SKIC2: variants seen among roughly 807,000 people sequenced by gnomAD.
The protein encoded by SKIC2 is superkiller complex protein 2.
the SKIC2 span, chr6:31,965,832 G>A: frequency 2.5e-6 from 4 of 1,612,756 alleles, no homozygotes; most frequent in East Asian, 4.5e-5. The surrounding 1 kb of genome is among the most constrained non-coding windows in gnomAD (Gnocchi z 5.6). Flanking sequence ...ATGCCTGCTC[G>A]TACAGTAGTG....
At chr6:31,961,724 A>G in the SKIC2 span, 4 of 1,589,444 alleles carry the variant, frequency 2.5e-6, no homozygotes, top group Non-Finnish European at 3.4e-6. Flanking sequence ...TCTGGGTCAC[A>G]CTCCCAGCCG....
chr6:31,962,779 A>T, the SKIC2 span: 1 of 1,611,874 alleles, frequency 6.2e-7, no homozygotes, highest in Non-Finnish European at 8.5e-7. The surrounding 1 kb of genome is among the most constrained non-coding windows in gnomAD (Gnocchi z 5.0). Flanking sequence ...GATGAGGTTC[A>T]CTATATCAAC....
At chr6:31,964,900 A>G in the SKIC2 span, among the ~76,000 whole-genome samples, 1 of 152,154 alleles carries the variant, frequency 6.6e-6, no homozygotes, top group Non-Finnish European at 1.5e-5. The surrounding 1 kb of genome is among the most constrained non-coding windows in gnomAD (Gnocchi z 5.0). Flanking sequence ...TGGGTGGATC[A>G]CAAGGTCAAG....
the SKIC2 span, chr6:31,967,085 C>T: frequency 6.2e-7 from 1 of 1,612,924 alleles, no homozygotes; most frequent in Non-Finnish European, 8.5e-7. The surrounding 1 kb of genome is among the most constrained non-coding windows in gnomAD (Gnocchi z 4.9). Flanking sequence ...ACTGGTCGAC[C>T]TGCCTGAATA....
chr6:31,960,305 C>A, the SKIC2 span: 3 of 1,613,318 alleles, frequency 1.9e-6, no homozygotes, highest in Admixed American at 5.0e-5. Context: ...CCAAAGACAC[C>A]CAACCACAGG....
At chr6:31,967,480 A>ATTTTCCCCTCTTGCCCTCC in the SKIC2 span, 1 of 907,904 alleles carries the variant, frequency 1.1e-6, no homozygotes, top group South Asian at 1.4e-5. This position sits in a 1 kb window ranked among gnomAD's most constrained non-coding sequence, Gnocchi z 4.9. Flanking sequence ...TAGGGCCCTC[A>ATTTTCCCCTCTTGCCCTCC]TTTTCCCCTC....
chr6:31,961,038 C>T, the SKIC2 span: 2 of 1,608,526 alleles, frequency 1.2e-6, no homozygotes, highest in Admixed American at 1.7e-5. Flanking sequence ...CCCTATCCTA[C>T]AGATCTTCTT....
At chr6:31,961,022 T>C in the SKIC2 span, 1,135,870 of 1,578,740 alleles carry the variant, frequency 0.72, 415,008 homozygotes, top group African/African-American at 0.91. Context: ...TGACCTGATT[T>C]CATGTCCCTA....
At chr6:31,963,036 A>G in the SKIC2 span, 2 of 1,612,682 alleles carry the variant, frequency 1.2e-6, no homozygotes, top group African/African-American at 1.3e-5. This position sits in a 1 kb window ranked among gnomAD's most constrained non-coding sequence, Gnocchi z 5.3. Context: ...CCACGTTTCT[A>G]TCATCCTTCT....
the SKIC2 span, among the ~76,000 whole-genome samples, chr6:31,964,652 A>C: frequency 6.6e-6 from 1 of 152,234 alleles, no homozygotes; most frequent in South Asian, 2.1e-4. The surrounding 1 kb of genome is among the most constrained non-coding windows in gnomAD (Gnocchi z 5.0). Context: ...TAGTAATCAG[A>C]AATATACAAA....
At chr6:31,962,201 G>T in the SKIC2 span, 1 of 955,466 alleles carries the variant, frequency 1.0e-6, no homozygotes, top group Non-Finnish European at 1.6e-6. The surrounding 1 kb of genome is among the most constrained non-coding windows in gnomAD (Gnocchi z 5.0). Context: ...AGCCCAGAGA[G>T]AAATGAAAAG....
the SKIC2 span, chr6:31,960,411 G>A: frequency 6.2e-6 from 10 of 1,603,380 alleles, no homozygotes; most frequent in Non-Finnish European, 8.5e-6. Context: ...GCCTCATTGG[G>A]GCTCTGATCT....
At chr6:31,963,411 A>G in the SKIC2 span, 2 of 1,552,070 alleles carry the variant, frequency 1.3e-6, no homozygotes, top group East Asian at 2.3e-5. The surrounding 1 kb of genome is among the most constrained non-coding windows in gnomAD (Gnocchi z 5.3). Context: ...TCCTTTCTTC[A>G]GGCGGCTGAA....
At chr6:31,961,803 C>T in the SKIC2 span, 3 of 1,551,736 alleles carry the variant, frequency 1.9e-6, no homozygotes, top group Non-Finnish European at 2.6e-6. Context: ...CAGTCCCAGC[C>T]TCGGCTGGCT....
At chr6:31,960,579 G>T in the SKIC2 span, 3 of 1,578,428 alleles carry the variant, frequency 1.9e-6, no homozygotes, top group Non-Finnish European at 2.6e-6. Context: ...GGTAGAAGAG[G>T]GTGTCTTTAA....
chr6:31,963,444 A>G, the SKIC2 span: 2 of 1,609,244 alleles, frequency 1.2e-6, no homozygotes, highest in Non-Finnish European at 1.7e-6. This position sits in a 1 kb window ranked among gnomAD's most constrained non-coding sequence, Gnocchi z 5.3. Context: ...CTATGTGATT[A>G]GCACTGTAAC....
At chr6:31,968,533 G>C in the SKIC2 span, 1 of 1,611,554 alleles carries the variant, frequency 6.2e-7, no homozygotes, top group South Asian at 1.1e-5. The surrounding 1 kb of genome is among the most constrained non-coding windows in gnomAD (Gnocchi z 6.1). Context: ...CCGTTTTCCT[G>C]CCCAGGTAGG....
chr6:31,963,089 T>C, the SKIC2 span: 1 of 1,607,848 alleles, frequency 6.2e-7, no homozygotes, highest in South Asian at 1.1e-5. The surrounding 1 kb of genome is among the most constrained non-coding windows in gnomAD (Gnocchi z 5.3). Flanking sequence ...CTGACTGGAT[T>C]GGGTGAGACG....
chr6:31,967,309 C>G, the SKIC2 span: 57 of 1,612,940 alleles, frequency 3.5e-5, no homozygotes, highest in Non-Finnish European at 3.9e-5. The surrounding 1 kb of genome is among the most constrained non-coding windows in gnomAD (Gnocchi z 4.9). Flanking sequence ...GCTGAAGTCT[C>G]TCTCAGCAGG....
Sources: gnomAD v4.1 joint callset for allele counts (sites outside exome capture counted in the v4.1 genomes callset) on GRCh38, gnomAD v4.1.1 for gene constraint, Gnocchi (gnomAD v3.1) non-coding constraint, MANE v1.5 for transcripts, NCBI Gene and HGNC (gene_info 2026-07-23, HGNC 2026-07-21) for gene names.